The following CFAP77 variants were observed in gnomAD, a reference collection of about 807,000 sequenced individuals.
CFAP77 encodes cilia- and flagella-associated protein 77.
Under a neutral mutation model 31.1 loss-of-function variants are expected in CFAP77, and 25 were observed. The ratio of observed to expected loss-of-function variants is 0.80; its 90% CI spans 0.59 to 1.12. The LOEUF (loss-of-function observed/expected upper bound fraction) is 1.12, where lower values mean the gene tolerates loss of function less well. CFAP77 is among the 50% of genes most tolerant of loss of function. CFAP77 has a pLI of 0.00. For synonymous variants in CFAP77, 151 were observed against 159.9 expected, an observed-to-expected ratio of 0.94 and a Z score of 0.42; for missense variants, 377 against 397.3, an observed-to-expected ratio of 0.95 and a Z score of 0.44.
chr9:132,562,771 C>T (rs921702399), intron 5 of CFAP77, among the ~76,000 whole-genome samples: 1 of 152,056 alleles, frequency 6.6e-6, no homozygotes, highest in Non-Finnish European at 1.5e-5. Flanking sequence ...ACAATCTCAG[C>T]TCACTGCAAC....
At chr9:132,522,334 G>GCTA (rs1241197336) in intron 3 of CFAP77, among the ~76,000 whole-genome samples, 1 of 152,108 alleles carries the variant, frequency 6.6e-6, no homozygotes, top group Non-Finnish European at 1.5e-5. Flanking sequence ...TCCAGGCTTT[G>GCTA]CTACTGGAGT....
chr9:132,423,292 C>G (rs1850255674), intron 1 of CFAP77, among the ~76,000 whole-genome samples: 1 of 152,188 alleles, frequency 6.6e-6, no homozygotes, highest in Admixed American at 6.5e-5. Context: ...AGGATGCTCA[C>G]GGGTCTGACT....
chr9:132,487,321 T>C (rs1446101040), intron 1 of CFAP77, among the ~76,000 whole-genome samples: 1 of 152,082 alleles, frequency 6.6e-6, no homozygotes, highest in East Asian at 1.9e-4. Context: ...GTATGCCAGC[T>C]ACCCAATTCT....
chr9:132,534,837 C>G (rs1216873974), intron 3 of CFAP77, among the ~76,000 whole-genome samples: 1 of 152,198 alleles, frequency 6.6e-6, no homozygotes, highest in Non-Finnish European at 1.5e-5. Context: ...TGGATTTCAA[C>G]TCACGGCCAT....
chr9:132,563,042 C>T (rs1011465456), intron 5 of CFAP77, among the ~76,000 whole-genome samples: 3 of 151,666 alleles, frequency 2.0e-5, no homozygotes, highest in Non-Finnish European at 4.4e-5. Flanking sequence ...TTTTTAGAGA[C>T]AGCACCTCAC....
At chr9:132,465,700 C>T (rs1335110016) in intron 1 of CFAP77, among the ~76,000 whole-genome samples, 2 of 152,220 alleles carry the variant, frequency 1.3e-5, no homozygotes, top group Non-Finnish European at 2.9e-5. Flanking sequence ...CATGAAGTAA[C>T]TTAAAATAGA....
intron 5 of CFAP77, among the ~76,000 whole-genome samples, chr9:132,559,420 G>A (rs965374180): frequency 6.9e-6 from 1 of 143,914 alleles, no homozygotes; most frequent in South Asian, 2.2e-4. Context: ...ATAAACACAT[G>A]AAAAGATGCT....
rs145046411 is a variant in CFAP77 at position 132,426,146 on chromosome 9, T to A, written c.195+15680T>A. On this transcript the variant is annotated intron_variant, in intron 1 of 5. Transcript: ENST00000393216. ...TCCCTTTGCTATCTTGTCAGAGCTG[T>A]TTTACATGCTGCCACCCAATGTTAT... Among the ~76,000 whole-genome samples, 411 of 152,328 alleles carry A rather than the reference T, an allele frequency of 2.7e-3. 2 individuals are homozygous for A. The highest frequency in any genetic ancestry group is 6.9e-3 in the Admixed American group (105 of 15,304).
intron 3 of CFAP77, among the ~76,000 whole-genome samples, chr9:132,510,532 A>T (rs1390773566): frequency 1.3e-5 from 2 of 152,254 alleles, no homozygotes; most frequent in Non-Finnish European, 2.9e-5. Context: ...ACCAGGCATC[A>T]AGCCCAACAC....
At chr9:132,485,393 GT>G (rs1397187460) in intron 1 of CFAP77, among the ~76,000 whole-genome samples, 1 of 152,218 alleles carries the variant, frequency 6.6e-6, no homozygotes, top group Non-Finnish European at 1.5e-5. Context: ...GTCACGCAGA[GT>G]TGAGAAGCCA....
chr9:132,534,736 A>G (rs1054939139), intron 3 of CFAP77, among the ~76,000 whole-genome samples: 1 of 152,172 alleles, frequency 6.6e-6, no homozygotes, highest in African/African-American at 2.4e-5. Flanking sequence ...TTTGTGGCCC[A>G]GCAACCTCCA....
chr9:132,477,997 GGA>G (rs1564219005), intron 1 of CFAP77, among the ~76,000 whole-genome samples: 1 of 152,172 alleles, frequency 6.6e-6, no homozygotes, highest in Non-Finnish European at 1.5e-5. Context: ...AACTAAGACA[GGA>G]GATTAAGGAG....
chr9:132,468,213 G>A (rs1851188272), intron 1 of CFAP77, among the ~76,000 whole-genome samples: 1 of 152,128 alleles, frequency 6.6e-6, no homozygotes, highest in Admixed American at 6.5e-5. Context: ...GGGCCTGGTG[G>A]TGCGCACCAG....
intron 3 of CFAP77, among the ~76,000 whole-genome samples, chr9:132,525,209 C>T (rs1421035138): frequency 1.3e-5 from 2 of 151,784 alleles, no homozygotes; most frequent in Admixed American, 6.6e-5. Flanking sequence ...TAGTAGAGAC[C>T]GGGTTTCACC....
intron 1 of CFAP77, among the ~76,000 whole-genome samples, chr9:132,426,020 C>T (rs1205181559): frequency 6.6e-6 from 1 of 152,198 alleles, no homozygotes; most frequent in Non-Finnish European, 1.5e-5. Context: ...TCAATTGTTA[C>T]CTGAAGCATT....
intron 5 of CFAP77, 77 bp from the exon 6 acceptor site, chr9:132,572,311 G>A (rs1200293766): frequency 2.0e-6 from 3 of 1,476,516 alleles, no homozygotes; most frequent in Admixed American, 2.0e-5. Context: ...TGAAGCAGGG[G>A]GCAGGCGAGG....
Position 132,499,313 on chromosome 9 carries a change from G to A in CFAP77, c.296-59G>A. ...TGCCCCCATTTCTTCTCGATCAGCTGCCTCAGGGTGCTTACTCCCAGGCTG... is the reference window on the plus strand; with the variant it reads ...TGCCCCCATTTCTTCTCGATCAGCTACCTCAGGGTGCTTACTCCCAGGCTG... On this transcript the variant is annotated intron_variant, in intron 2 of 5. Transcript: ENST00000393216. This position sits in a 1 kb window ranked among gnomAD's most constrained non-coding sequence, Gnocchi z 5.4. 6.7e-7 allele frequency: 1 copy of A among 1,499,358 alleles called. No homozygotes were observed. The highest frequency in any genetic ancestry group is 9.2e-7 in the Non-Finnish European group (1 of 1,085,418). 92.9% of individuals were successfully genotyped at this position (1,499,358 alleles called of 1,614,324 possible).
chr9:132,510,623 G>A (rs1226254974), intron 3 of CFAP77, among the ~76,000 whole-genome samples: 1 of 152,280 alleles, frequency 6.6e-6, no homozygotes, highest in African/African-American at 2.4e-5. Flanking sequence ...GAGGAGCGGT[G>A]AGCCCAGCCA....
chr9:132,506,851 T>C (rs1363552306), intron 3 of CFAP77, among the ~76,000 whole-genome samples: 1 of 152,064 alleles, frequency 6.6e-6, no homozygotes, highest in Non-Finnish European at 1.5e-5. Flanking sequence ...AGAGGTCAAG[T>C]CATTTGGCTT....
Sources: gnomAD v4.1 joint callset for allele counts (sites outside exome capture counted in the v4.1 genomes callset) on GRCh38, gnomAD v4.1.1 for gene constraint, Gnocchi (gnomAD v3.1) non-coding constraint, MANE v1.5 for transcripts, NCBI Gene and HGNC (gene_info 2026-07-23, HGNC 2026-07-21) for gene names.